Variants in FNIP2 observed in about 807,000 individuals in gnomAD.
FNIP2 encodes folliculin-interacting protein 2.
A neutral mutation model predicts 108.7 loss-of-function variants in FNIP2; 32 were observed. The observed-to-expected ratio is 0.29, with a 90% CI of 0.22 to 0.40. The LOEUF is 0.40. Among genes scored for constraint, FNIP2 ranks in the 10% least tolerant of loss-of-function variants. FNIP2 has a pLI of 1.00. For synonymous variants in FNIP2, 480 were observed against 496.7 expected (o/e 0.97, Z 0.45); for missense variants, 1,202 against 1,381.6 (o/e 0.87, Z 2.06).
intron 14 of FNIP2, among the ~76,000 whole-genome samples, chr4:158,884,662 A>G (rs1781918228): frequency 6.6e-6 from 1 of 152,148 alleles, no homozygotes; most frequent in Admixed American, 6.5e-5. Context: ...ACACAACTGT[A>G]AAGTACTGCC....
intron 1 of FNIP2, among the ~76,000 whole-genome samples, chr4:158,775,362 TG>T (rs1457122972): frequency 2.0e-5 from 3 of 152,234 alleles, no homozygotes; most frequent in Non-Finnish European, 4.4e-5. Flanking sequence ...CTGAAATATT[TG>T]GTGAGTTCCT....
Position 158,770,359 on chromosome 4 carries a change from G to A in FNIP2, c.107+1040G>A, listed in dbSNP as rs535510922. 2.4e-3 allele frequency among the ~76,000 whole-genome samples: 361 copies of A among 152,270 alleles called. 1 individual carries two copies. Among genetic ancestry groups the A allele is most frequent in the Non-Finnish European group, 4.5e-3 (305 of 68,014 alleles). ...AACTCCCAATTCTGACACTATGCTA[G>A]GTGCTTTTTGGCCAAAATGTCTTGC... On this transcript the variant is annotated intron_variant, in intron 1 of 16. Transcript: ENST00000264433.
chr4:158,872,128 C>G, intron 14 of FNIP2: 1 of 985,308 alleles, frequency 1.0e-6, no homozygotes, highest in Non-Finnish European at 1.2e-6. Flanking sequence ...TACAGGGGAA[C>G]TAATGGGATT....
Position 158,870,362 on chromosome 4 carries a change from C to G in FNIP2, c.2842C>G (p.Leu948Val). 6.2e-7 allele frequency: 1 copy of G among 1,614,072 alleles called. No individual in the cohort carries two copies. The highest frequency in any genetic ancestry group is 1.3e-5 in the African/African-American group (1 of 75,066). Residue 948 changes from leucine (L) to valine (V), a missense_variant, in exon 14 of 17, where the codon CTG becomes GTG. By Grantham distance (32) the Leu-to-Val change is conservative. This residue lies in a region of FNIP2 where 878 missense variants were observed against 990.3 expected (regional missense o/e 0.89). Transcript: ENST00000264433. ...TGTAAGGAACTTTGGCCGCTCACTT[C>G]TGGCGGGCTACTGCCCCACATACAT... ...QNVRNFGRSL[L>V]AGYCPTYMPD...
chr4:158,846,786 C>T lies in FNIP2; in HGVS notation c.728-4535C>T, dbSNP rs147996243. Among the ~76,000 whole-genome samples, 422 of 152,244 alleles carry T rather than the reference C, an allele frequency of 2.8e-3. 3 individuals are homozygous for T. The highest frequency in any genetic ancestry group is 9.7e-3 in the African/African-American group (401 of 41,536). ...CCACCGATCGTCCTCTCTGCAGGAA[C>T]CCCAAATTTGAAAACTATCCACACA... On this transcript the variant is annotated intron_variant, in intron 7 of 16. Transcript: ENST00000264433.
In FNIP2 at chr4:158,906,134, GT is replaced by G. The variant is rs1364409738; in HGVS notation, c.*1594del. On this transcript the variant is annotated 3_prime_UTR_variant, in exon 17 of 17. Coordinates refer to ENST00000264433, the MANE Select transcript of FNIP2 (RefSeq NM_020840.3). ...AATTGAAATGTTCATTCTTTTTAAT[GT>G]TTTCCTATTTCCTTTTGCCTAGCAT... 3 of 152,022 alleles carry G rather than the reference GT, an allele frequency of 2.0e-5. No individual in the cohort carries two copies. The highest frequency in any genetic ancestry group is 6.6e-5 in the Admixed American group (1 of 15,264). 9.4% of individuals were successfully genotyped at this position (152,022 alleles called of 1,614,324 possible).
intron 2 of FNIP2, among the ~76,000 whole-genome samples, chr4:158,828,273 A>T (rs1778267176): frequency 6.6e-6 from 1 of 152,050 alleles, no homozygotes; most frequent in African/African-American, 2.4e-5. Context: ...CAACCTCATG[A>T]TTTTCCTTCC....
At chr4:158,787,509 C>A (rs1472117582) in intron 1 of FNIP2, among the ~76,000 whole-genome samples, 2 of 152,134 alleles carry the variant, frequency 1.3e-5, no homozygotes, top group Non-Finnish European at 2.9e-5. Context: ...CTCACCAGGG[C>A]TACAGAGCTA....
intron 14 of FNIP2, among the ~76,000 whole-genome samples, chr4:158,881,475 T>C (rs998293481): frequency 9.4e-6 from 1 of 106,566 alleles, no homozygotes; most frequent in Non-Finnish European, 1.9e-5. Context: ...TCTCCCTCTC[T>C]TTCCACGGTC....
At position 158,888,875 on chromosome 4, in the gene FNIP2, C is replaced by CA. The variant is rs199499786; in HGVS notation, c.2950-2554dup. On this transcript the variant is annotated intron_variant, in intron 14 of 16. Transcript: ENST00000264433. ...CCTGGGCAACAGAACAAGACTGTCT[C>CA]AAAAAAAAAAAAAAAAAGTAAGAAA... Among the ~76,000 whole-genome samples the CA allele has an allele frequency of 4.8e-3, 479 of 100,648 alleles. 3 individuals are homozygous for CA. The highest frequency in any genetic ancestry group is 0.011 in the African/African-American group (319 of 27,826). The allele number at this position is 100,648 out of a possible 152,430, so 66.0% of individuals were successfully genotyped here.
intron 1 of FNIP2, among the ~76,000 whole-genome samples, chr4:158,795,054 G>T (rs1776542750): frequency 6.6e-6 from 1 of 152,170 alleles, no homozygotes; most frequent in African/African-American, 2.4e-5. Context: ...CTACTGGATG[G>T]AATATAACTG....
rs1553964269 is a variant in FNIP2 at position 158,875,541 on chromosome 4, T to TATGC, written c.2949+5072_2949+5073insATGC. The stretch of plus-strand genomic sequence containing the variant: ...ATATATATATATATATATATATATA[T>TATGC]GCTCATGAATACCTAATTAGTCCAT... On this transcript the variant is annotated intron_variant, in intron 14 of 16. Transcript: ENST00000264433. Among the ~76,000 whole-genome samples, 5 of 141,482 alleles carry TATGC rather than the reference T, an allele frequency of 3.5e-5. 1 individual carries two copies. The highest frequency in any genetic ancestry group is 1.4e-4 in the African/African-American group (5 of 34,966). The allele number at this position is 141,482 out of a possible 152,430, so 92.8% of individuals were successfully genotyped here.
At chr4:158,829,759 A>G (rs1778364610) in intron 3 of FNIP2, among the ~76,000 whole-genome samples, 4 of 151,890 alleles carry the variant, frequency 2.6e-5, no homozygotes, top group Admixed American at 2.6e-4. Context: ...GGTTAAGGTT[A>G]TTGAGAAATA....
At chr4:158,845,695 T>G (rs927866112) in intron 7 of FNIP2, among the ~76,000 whole-genome samples, 2 of 152,276 alleles carry the variant, frequency 1.3e-5, no homozygotes, top group African/African-American at 4.8e-5. Flanking sequence ...TGATGTTGAC[T>G]GAATCCACCC....
intron 8 of FNIP2, among the ~76,000 whole-genome samples, chr4:158,853,430 G>A (rs1779809298): frequency 6.6e-6 from 1 of 152,144 alleles, no homozygotes; most frequent in African/African-American, 2.4e-5. Context: ...ACAACGTGCA[G>A]GTTTGTTACA....
rs535769311 is a variant in FNIP2, at chr4:158,840,528, T to C, written c.727+5052T>C. Among the ~76,000 whole-genome samples the C allele has an allele frequency of 9.2e-5, 14 of 152,284 alleles. No homozygotes were observed. The East Asian group carries it at 2.1e-3, about 23-fold the overall frequency. On this transcript the variant is annotated intron_variant, in intron 7 of 16. Transcript: ENST00000264433. ...CTCCTGCCTCAGCCTCCCAAGTAGC[T>C]GAAATCACAGGCGCACACCACCACA... is the stretch of plus-strand genomic sequence containing the variant.
intron 3 of FNIP2, 93 bp downstream of exon 3, chr4:158,829,318 C>A: frequency 1.8e-6 from 2 of 1,141,356 alleles, no homozygotes; most frequent in Non-Finnish European, 2.4e-6. Context: ...GAGGGCTCTA[C>A]TCCAGGAATA....
At chr4:158,834,319 TCTCTCTCTCTCC>T (rs1553959310) in intron 6 of FNIP2, 1 of 149,712 alleles carries the variant, frequency 6.7e-6, no homozygotes, top group Non-Finnish European at 1.5e-5. Flanking sequence ...TCTCTCTCTC[TCTCTCTCTCTCC>T]CTCTCTAAGT....
chr4:158,792,300 A>T (rs1776446285), intron 1 of FNIP2, among the ~76,000 whole-genome samples: 1 of 152,154 alleles, frequency 6.6e-6, no homozygotes, highest in African/African-American at 2.4e-5. Flanking sequence ...GCTGAAGTCA[A>T]ACAGGGTAAC....
Sources: allele counts gnomAD v4.1 joint callset (sites outside exome capture counted in the v4.1 genomes callset), GRCh38; gene constraint gnomAD v4.1.1; regional missense constraint gnomAD v4.1.1; transcripts MANE v1.5; gene names NCBI Gene and HGNC (gene_info 2026-07-23, HGNC 2026-07-21).